The following NSD1 variants were observed in gnomAD, a reference collection of about 807,000 sequenced individuals.
The protein encoded by NSD1 is nuclear receptor binding SET domain protein 1, also known as histone-lysine N-methyltransferase, H3 lysine-36 specific.
A neutral mutation model predicts 242.7 loss-of-function variants in NSD1; 26 were observed. The ratio of observed to expected loss-of-function variants is 0.11; its 90% CI spans 0.08 to 0.15. The LOEUF (loss-of-function observed/expected upper bound fraction) is 0.15, where lower values mean the gene tolerates loss of function less well. Ranked by LOEUF, NSD1 falls within the 10% of genes least tolerant of loss-of-function variation. The probability of loss-of-function intolerance (pLI) is 1.00; values close to 1 mark genes in which losing one functional copy is unlikely to be tolerated. For synonymous variants in NSD1, 1,106 were observed against 1,178.1 expected, an observed-to-expected ratio of 0.94 and a Z score of 1.25; for missense variants, 2,495 against 3,272.8, an observed-to-expected ratio of 0.76 and a Z score of 5.80.
chr5:177,212,280 TG>T (rs1763406602), intron 5 of NSD1, 85 bp downstream of exon 5: 6 of 1,374,180 alleles, frequency 4.4e-6, no homozygotes, highest in Non-Finnish European at 6.0e-6. Context: ...TCTGTTGTAA[TG>T]GTAAAGTGAA....
At chr5:177,158,778 C>T (rs1758414611) in intron 2 of NSD1, among the ~76,000 whole-genome samples, 1 of 140,022 alleles carries the variant, frequency 7.1e-6, no homozygotes, top group South Asian at 2.2e-4. Context: ...GCCAAGATTG[C>T]ACCACTGCAC....
chr5:177,147,581 T>C (rs1757358668), intron 2 of NSD1, among the ~76,000 whole-genome samples: 1 of 151,996 alleles, frequency 6.6e-6, no homozygotes, highest in Admixed American at 6.6e-5. Context: ...AAATCAATAG[T>C]TGTTTTTTTT....
chr5:177,249,833 T>C (rs1755780415), intron 11 of NSD1, among the ~76,000 whole-genome samples: 1 of 152,172 alleles, frequency 6.6e-6, no homozygotes, highest in East Asian at 1.9e-4. Flanking sequence ...ACAGCACTAA[T>C]CTCAGCACTT....
At chr5:177,251,365 G>A (rs970471922) in intron 11 of NSD1, among the ~76,000 whole-genome samples, 1 of 152,122 alleles carries the variant, frequency 6.6e-6, no homozygotes, top group Non-Finnish European at 1.5e-5. Flanking sequence ...AGACCTTGGT[G>A]GGAGCTCTTT....
chr5:177,157,893 CATA>C (rs1469821279), intron 2 of NSD1, among the ~76,000 whole-genome samples: 3 of 152,174 alleles, frequency 2.0e-5, no homozygotes, highest in Non-Finnish European at 4.4e-5. Flanking sequence ...TTTAACTTAG[CATA>C]ATGTTTTAAG....
chr5:177,158,478 C>T (rs1758388893), intron 2 of NSD1, among the ~76,000 whole-genome samples: 1 of 151,310 alleles, frequency 6.6e-6, no homozygotes, highest in East Asian at 1.9e-4. Flanking sequence ...GCTTGGACTA[C>T]AGGCGCCCGC....
chr5:177,190,333 G>T (rs955571265), intron 2 of NSD1, among the ~76,000 whole-genome samples: 1 of 152,168 alleles, frequency 6.6e-6, no homozygotes, highest in Admixed American at 6.5e-5. Context: ...AGGCCGGCGT[G>T]CAGTGGCGCA....
chr5:177,218,668 C>A (rs1763984849), intron 5 of NSD1, among the ~76,000 whole-genome samples: 1 of 151,240 alleles, frequency 6.6e-6, no homozygotes, highest in Non-Finnish European at 1.5e-5. Flanking sequence ...CCCGGATTGA[C>A]GCCATTCTCC....
intron 3 of NSD1, among the ~76,000 whole-genome samples, chr5:177,198,556 G>A (rs551047167): frequency 6.6e-6 from 1 of 152,178 alleles, no homozygotes; most frequent in East Asian, 1.9e-4. Context: ...ATAGTATTTA[G>A]TATTCTTAGT....
chr5:177,260,315 C>A, intron 14 of NSD1, 147 bp downstream of exon 14: 2 of 689,080 alleles, frequency 2.9e-6, no homozygotes. Flanking sequence ...AATGATGTCC[C>A]GAATTAATGA....
chr5:177,221,746 A>G (rs559139288), intron 5 of NSD1, among the ~76,000 whole-genome samples: 1 of 151,826 alleles, frequency 6.6e-6, no homozygotes, highest in East Asian at 1.9e-4. Flanking sequence ...TGGGATTACA[A>G]GCATTAGCCA....
intron 2 of NSD1, among the ~76,000 whole-genome samples, chr5:177,139,542 CAT>C (rs931341717): frequency 6.6e-6 from 1 of 151,856 alleles, no homozygotes; most frequent in African/African-American, 2.4e-5. Flanking sequence ...TCTATGTAGT[CAT>C]GTGATATTAA....
intron 21 of NSD1, 88 bp downstream of exon 21, chr5:177,289,013 A>AATCTCTTTGAAATTAATGACATTC (rs1759560650): frequency 2.1e-6 from 2 of 952,212 alleles, no homozygotes; most frequent in Non-Finnish European, 3.4e-6. Context: ...TTTAAGAAGA[A>AATCTCTTTGAAATTAATGACATTC]ATCTCTTTGA....
intron 6 of NSD1, among the ~76,000 whole-genome samples, chr5:177,237,486 T>A (rs1765538722): frequency 7.0e-6 from 1 of 142,742 alleles, no homozygotes; most frequent in Non-Finnish European, 1.6e-5. Context: ...CATTTAATTT[T>A]GGTTAAAAAA....
chr5:177,153,786 TA>T (rs1260857601), intron 2 of NSD1, among the ~76,000 whole-genome samples: 1 of 152,198 alleles, frequency 6.6e-6, no homozygotes, highest in African/African-American at 2.4e-5. Flanking sequence ...ACTGATTTAA[TA>T]GGGGTTTTAA....
intron 2 of NSD1, among the ~76,000 whole-genome samples, chr5:177,188,665 G>A (rs1761428627): frequency 6.6e-6 from 1 of 152,086 alleles, no homozygotes; most frequent in African/African-American, 2.4e-5. Context: ...ATATTTCATA[G>A]AGTTGTAATA....
chr5:177,269,507 A>G lies in NSD1; in HGVS notation c.5304-95A>G. On this transcript the variant is annotated intron_variant, in intron 15 of 22. Transcript: ENST00000439151. This position sits in a 1 kb window ranked among gnomAD's most constrained non-coding sequence, Gnocchi z 5.1. ...AAGATGGACTTTAATGTGGACAGACAGACATTGCTAATCCTTACTTTTATA... is the reference window on the plus strand; with the variant it reads ...AAGATGGACTTTAATGTGGACAGACGGACATTGCTAATCCTTACTTTTATA... 1 of 1,055,640 alleles carries G rather than the reference A, an allele frequency of 9.5e-7. No individual in the cohort carries two copies. Among genetic ancestry groups the G allele is most frequent in the Non-Finnish European group, 1.4e-6 (1 of 692,512 alleles). 65.4% of individuals were successfully genotyped at this position (1,055,640 alleles called of 1,614,324 possible). A position where few individuals can be genotyped will look rare whatever the true frequency, so the allele number is the denominator to read the frequency against.
chr5:177,235,939 G>C lies in NSD1; in HGVS notation c.3915G>C (p.Val1305=). The change falls in exon 6 of 23, where the codon GTG becomes GTC. Residue 1305 remains valine, a synonymous_variant. Transcript: ENST00000439151. Reference sequence around the variant, plus strand: ...AACAAAAGAAGGTACAGGAGCAGGTGCACAAGGTATGTTGCAAAATTTCAG... The same window carrying C: ...AACAAAAGAAGGTACAGGAGCAGGTCCACAAGGTATGTTGCAAAATTTCAG... ...KKKQKKVQEQ[V]HKVSSRCEEE... The C allele has an allele frequency of 6.2e-7, 1 of 1,613,828 alleles. No individual in the cohort carries two copies. The highest frequency in any genetic ancestry group is 8.5e-7 in the Non-Finnish European group (1 of 1,179,810).
chr5:177,256,649 T>C (rs1007427918), intron 12 of NSD1, among the ~76,000 whole-genome samples: 1 of 152,236 alleles, frequency 6.6e-6, no homozygotes, highest in Non-Finnish European at 1.5e-5. Context: ...CATCCATATT[T>C]CCTGTAAACT....
Sources: gnomAD v4.1 joint callset for allele counts (sites outside exome capture counted in the v4.1 genomes callset) on GRCh38, gnomAD v4.1.1 for gene constraint, Gnocchi (gnomAD v3.1) non-coding constraint, MANE v1.5 for transcripts, NCBI Gene and HGNC (gene_info 2026-07-23, HGNC 2026-07-21) for gene names.